The following GPRC6A variants were observed in gnomAD, a reference collection of about 807,000 sequenced individuals.
GPRC6A encodes G protein-coupled receptor class C group 6 member A.
GPRC6A carries 54 observed loss-of-function variants against 47.0 expected under a neutral mutation model. The observed-to-expected ratio is 1.15, with a 90% CI of 0.92 to 1.44. The LOEUF (loss-of-function observed/expected upper bound fraction) is 1.44, where lower values mean the gene tolerates loss of function less well. Among genes scored for constraint, GPRC6A ranks in the 40% most tolerant of loss-of-function variants. The probability of loss-of-function intolerance (pLI) is 0.00; values close to 1 mark genes in which losing one functional copy is unlikely to be tolerated. For synonymous variants in GPRC6A, 347 were observed against 377.1 expected (o/e 0.92, Z 0.93); for missense variants, 1,112 against 1,105.5 (o/e 1.01, Z -0.08).
At chr6:116,827,358 A>G (rs1217288306) in intron 1 of GPRC6A, among the ~76,000 whole-genome samples, 2 of 152,000 alleles carry the variant, frequency 1.3e-5, no homozygotes, top group African/African-American at 4.8e-5. Flanking sequence ...AAAGAGAAAC[A>G]TAGAAGAGAA....
chr6:116,793,285 C>T (rs1772379202), intron 5 of GPRC6A, 35 bp from the exon 6 acceptor site: 9 of 1,465,590 alleles, frequency 6.1e-6, no homozygotes, highest in Non-Finnish European at 8.3e-6. Flanking sequence ...ACATTGTCAA[C>T]ATTTAAACTA....
Position 116,819,173 on chromosome 6 carries a change from A to G in GPRC6A, c.195-9556T>C, listed in dbSNP as rs1477744501. On this transcript the variant is annotated intron_variant, in intron 1 of 5. Coordinates refer to ENST00000310357, the MANE Select transcript of GPRC6A (RefSeq NM_148963.4). ...GAAGAGCTAACTATCCTAAATATATATGCACCCAACACAGGAGCACCCAGA... is the reference window on the plus strand; with the variant it reads ...GAAGAGCTAACTATCCTAAATATATGTGCACCCAACACAGGAGCACCCAGA... Among the ~76,000 whole-genome samples, 3 of 152,026 alleles carry G rather than the reference A, an allele frequency of 2.0e-5. No individual in the cohort carries two copies. In the East Asian group the frequency reaches 5.8e-4, roughly 29 times the overall value.
At chr6:116,813,879 T>C (rs151204490) in intron 1 of GPRC6A, among the ~76,000 whole-genome samples, 4,087 of 152,154 alleles carry the variant, frequency 0.027, 184 homozygotes, top group African/African-American at 0.094. Flanking sequence ...GGCTAATATC[T>C]AGAATCTACA....
intron 1 of GPRC6A, among the ~76,000 whole-genome samples, chr6:116,823,678 A>G (rs765327839): frequency 6.6e-6 from 1 of 152,122 alleles, no homozygotes; most frequent in Non-Finnish European, 1.5e-5. Flanking sequence ...CATTGAATAA[A>G]AAATACCTGA....
At chr6:116,811,211 A>T (rs1773012727) in intron 1 of GPRC6A, among the ~76,000 whole-genome samples, 1 of 152,226 alleles carries the variant, frequency 6.6e-6, no homozygotes, top group African/African-American at 2.4e-5. Flanking sequence ...TGGCCAAAAA[A>T]ATCAAAGAAA....
At chr6:116,813,660 A>G (rs1773104804) in intron 1 of GPRC6A, among the ~76,000 whole-genome samples, 1 of 152,238 alleles carries the variant, frequency 6.6e-6, no homozygotes, top group African/African-American at 2.4e-5. Flanking sequence ...AAACCCTAGA[A>G]GAAAACCTAG....
Position 116,792,988 on chromosome 6 carries a change from G to A in GPRC6A, c.1935C>T (p.Ala645=). ...VILLCHFLNF[A]STSFFIGEPQ... Reference sequence around the variant, plus strand: ...GTTCTCCAATGAAAAAGCTCGTGCTGGCAAAATTGAGGAAATGACAGAGAA... The same window carrying A: ...GTTCTCCAATGAAAAAGCTCGTGCTAGCAAAATTGAGGAAATGACAGAGAA... Residue 645 remains alanine, a synonymous_variant, in exon 6 of 6, where the codon GCC becomes GCT. Transcript: ENST00000310357. 3.1e-6 allele frequency: 5 copies of A among 1,614,086 alleles called. No individual in the cohort carries two copies. Among genetic ancestry groups the A allele is most frequent in the Non-Finnish European group, 4.2e-6 (5 of 1,179,974 alleles).
chr6:116,803,040 A>G (rs1165705649), intron 3 of GPRC6A, among the ~76,000 whole-genome samples: 2 of 152,090 alleles, frequency 1.3e-5, no homozygotes, highest in African/African-American at 4.8e-5. Context: ...CAAATTCAAC[A>G]TCTCCAAAAT....
intron 1 of GPRC6A, among the ~76,000 whole-genome samples, chr6:116,815,805 C>A (rs1773185861): frequency 6.6e-6 from 1 of 152,144 alleles, no homozygotes; most frequent in Non-Finnish European, 1.5e-5. Flanking sequence ...AATAAAAAAT[C>A]TTATTAAAAG....
intron 4 of GPRC6A, among the ~76,000 whole-genome samples, chr6:116,800,178 TC>T (rs902711686): frequency 1.4e-5 from 2 of 142,186 alleles, no homozygotes; most frequent in African/African-American, 5.9e-5. Context: ...GTCAGCAGTC[TC>T]CCCTCCCCTC....
At chr6:116,827,101 C>T (rs897186614) in intron 1 of GPRC6A, among the ~76,000 whole-genome samples, 1 of 151,634 alleles carries the variant, frequency 6.6e-6, no homozygotes, top group African/African-American at 2.4e-5. Flanking sequence ...TGGGTATAAA[C>T]ATATAGTTAG....
At position 116,800,683 on chromosome 6, in the gene GPRC6A, A is replaced by G; in HGVS notation, c.1449T>C (p.Asn483=). ...CCATCTTAGTGACAGTCATGTGTCC[A>G]TTGATCTCCTTCCAGAGCACAACAT... ...GYDVVLWKEI[N]GHMTVTKMAE... Residue 483 remains asparagine, a synonymous_variant, in exon 4 of 6, where the codon AAT becomes AAC. Transcript: ENST00000310357. 1.2e-6 allele frequency: 2 copies of G among 1,611,448 alleles called. No individual in the cohort carries two copies. The highest frequency in any genetic ancestry group is 1.7e-6 in the Non-Finnish European group (2 of 1,177,678).
chr6:116,822,425 G>A (rs1469008119), intron 1 of GPRC6A, among the ~76,000 whole-genome samples: 10 of 131,030 alleles, frequency 7.6e-5, no homozygotes, highest in Middle Eastern at 3.6e-3. Flanking sequence ...TGTTTATTGC[G>A]GCATTATTCA....
At chr6:116,800,308 C>A (rs1006821043) in intron 4 of GPRC6A, among the ~76,000 whole-genome samples, 2 of 133,868 alleles carry the variant, frequency 1.5e-5, no homozygotes. Context: ...CTCTCTCTCC[C>A]TTTCTTTCTT....
chr6:116,809,229 C>G, intron 2 of GPRC6A, 85 bp downstream of exon 2: 1 of 1,050,424 alleles, frequency 9.5e-7, no homozygotes, highest in Non-Finnish European at 1.4e-6. Context: ...AAGTGACTCC[C>G]TAACTAGTTT....
chr6:116,828,211 C>A (rs1773731443), intron 1 of GPRC6A, among the ~76,000 whole-genome samples: 1 of 152,202 alleles, frequency 6.6e-6, no homozygotes, highest in East Asian at 1.9e-4. Flanking sequence ...ATTTGCAACA[C>A]CTTCCACCCA....
intron 1 of GPRC6A, among the ~76,000 whole-genome samples, chr6:116,810,427 C>T (rs1173323580): frequency 1.3e-5 from 2 of 152,008 alleles, no homozygotes; most frequent in African/African-American, 4.8e-5. Flanking sequence ...AAATGCATCT[C>T]TTACTATGTT....
At chr6:116,795,036 TTA>T (rs1772433292) in intron 5 of GPRC6A, among the ~76,000 whole-genome samples, 1 of 152,158 alleles carries the variant, frequency 6.6e-6, no homozygotes, top group African/African-American at 2.4e-5. Context: ...TGCTTTTAAA[TTA>T]GGCTTAACTC....
chr6:116,827,307 T>G (rs112380430), intron 1 of GPRC6A, among the ~76,000 whole-genome samples: 10 of 152,028 alleles, frequency 6.6e-5, no homozygotes, highest in African/African-American at 2.2e-4. Context: ...AAATACCACA[T>G]GTACCTCATA....
Sources: gnomAD v4.1 joint callset for allele counts (sites outside exome capture counted in the v4.1 genomes callset) on GRCh38, gnomAD v4.1.1 for gene constraint, MANE v1.5 for transcripts, NCBI Gene and HGNC (gene_info 2026-07-23, HGNC 2026-07-21) for gene names.